The following CDH17 variants were observed in gnomAD, a reference collection of about 807,000 sequenced individuals.
The protein encoded by CDH17 is cadherin-17.
CDH17 carries 67 observed loss-of-function variants against 86.3 expected under a neutral mutation model. The ratio of observed to expected loss-of-function variants is 0.78; its 90% CI spans 0.64 to 0.95. The LOEUF (loss-of-function observed/expected upper bound fraction) is 0.95, where lower values mean the gene tolerates loss of function less well. Ranked by LOEUF, CDH17 falls within the 40% of genes least tolerant of loss-of-function variation. The pLI, the probability that CDH17 is intolerant of heterozygous loss-of-function variation, is 0.00. For synonymous variants in CDH17, 367 were observed against 366.4 expected (o/e 1.00, Z -0.02); for missense variants, 993 against 1,017.6 (o/e 0.98, Z 0.33).
intron 5 of CDH17, among the ~76,000 whole-genome samples, chr8:94,175,856 G>T (rs1159000267): frequency 2.6e-5 from 4 of 152,122 alleles, no homozygotes; most frequent in African/African-American, 9.7e-5. Flanking sequence ...AGAGCTCTGA[G>T]GTATCTTAGA....
At chr8:94,168,181 TCTCA>T (rs1303113909) in intron 9 of CDH17, among the ~76,000 whole-genome samples, 2 of 133,854 alleles carry the variant, frequency 1.5e-5, no homozygotes, top group Non-Finnish European at 3.1e-5. Context: ...TGAGATGGAG[TCTCA>T]CTCTGTTGTC....
At chr8:94,139,761 G>C (rs1032533611) in intron 15 of CDH17, among the ~76,000 whole-genome samples, 4 of 151,984 alleles carry the variant, frequency 2.6e-5, no homozygotes, top group Non-Finnish European at 5.9e-5. Context: ...AAAGTAGCTG[G>C]GCATCATGGT....
chr8:94,169,981 C>T (rs1813235889), intron 9 of CDH17, among the ~76,000 whole-genome samples: 1 of 152,072 alleles, frequency 6.6e-6, no homozygotes, highest in Non-Finnish European at 1.5e-5. Flanking sequence ...GTCTGTCTGA[C>T]TTTGGGTGTA....
chr8:94,156,491 G>A lies in CDH17; in HGVS notation c.1551+3480C>T, dbSNP rs115494942. Among the ~76,000 whole-genome samples the A allele has an allele frequency of 4.7e-3, 719 of 152,282 alleles. 12 individuals are homozygous for A. The highest frequency in any genetic ancestry group is 0.016 in the African/African-American group (677 of 41,560). On this transcript the variant is annotated intron_variant, in intron 12 of 17. Coordinates refer to ENST00000027335, the MANE Select transcript of CDH17 (RefSeq NM_004063.4). ...AATAGCTTTCCTGCTCATGACACAC[G>A]TTTGGCCCCAAGAGCATGATAACCA...
intron 15 of CDH17, among the ~76,000 whole-genome samples, chr8:94,141,097 T>A (rs79790841): frequency 0.025 from 3,854 of 152,112 alleles, 164 homozygotes; most frequent in African/African-American, 0.089. Context: ...CAACAATACA[T>A]AAACATGGTA....
intron 1 of CDH17, among the ~76,000 whole-genome samples, chr8:94,198,044 C>T (rs1001487055): frequency 1.3e-5 from 2 of 151,936 alleles, no homozygotes; most frequent in African/African-American, 4.8e-5. Context: ...AATTTCAACT[C>T]TTGCTACTGT....
chr8:94,204,395 A>C (rs4734271), intron 1 of CDH17, among the ~76,000 whole-genome samples: 1 of 151,840 alleles, frequency 6.6e-6, no homozygotes, highest in Non-Finnish European at 1.5e-5. Context: ...GAACATGCAG[A>C]GTTTGGTTTT....
chr8:94,175,010 G>A (rs1275121468), intron 5 of CDH17, among the ~76,000 whole-genome samples: 1 of 152,156 alleles, frequency 6.6e-6, no homozygotes, highest in African/African-American at 2.4e-5. Context: ...ATGAGACTCA[G>A]TTGTTGAATT....
At chr8:94,215,078 C>T (rs1814173996) in intron 1 of CDH17, among the ~76,000 whole-genome samples, 2 of 152,198 alleles carry the variant, frequency 1.3e-5, no homozygotes, top group African/African-American at 4.8e-5. Flanking sequence ...GGTAAACAGT[C>T]TGGGAGTTTT....
chr8:94,152,152 T>G, intron 12 of CDH17, 40 bp from the exon 13 acceptor site: 3 of 1,605,776 alleles, frequency 1.9e-6, no homozygotes, highest in Non-Finnish European at 2.6e-6. Context: ...TTGGGGTGAT[T>G]AGCTCCCTTA....
Position 94,128,182 on chromosome 8 carries a change from G to T in CDH17, c.*58C>A. On this transcript the variant is annotated 3_prime_UTR_variant, in exon 18 of 18. Coordinates refer to ENST00000027335, the MANE Select transcript of CDH17 (RefSeq NM_004063.4). ...CACGTTAGATGAAAAGTAATAGGATGAGATGGTTGTTGCTGAAATAGCACT... is the reference window on the plus strand; with the variant it reads ...CACGTTAGATGAAAAGTAATAGGATTAGATGGTTGTTGCTGAAATAGCACT... 1 of 1,027,932 alleles carries T rather than the reference G, an allele frequency of 9.7e-7. No individual in the cohort carries two copies. Among genetic ancestry groups the T allele is most frequent in the South Asian group, 1.3e-5 (1 of 77,458 alleles). 63.7% of individuals were successfully genotyped at this position (1,027,932 alleles called of 1,614,324 possible).
upstream of CDH17, among the ~76,000 whole-genome samples, chr8:94,212,134 C>A (rs1470077074): frequency 6.6e-6 from 1 of 152,214 alleles, no homozygotes; most frequent in African/African-American, 2.4e-5. Context: ...TTAAGCAAAA[C>A]AGGTCTTACT....
At chr8:94,192,560 C>T (rs752784556) in intron 2 of CDH17, among the ~76,000 whole-genome samples, 1 of 152,152 alleles carries the variant, frequency 6.6e-6, no homozygotes, top group Non-Finnish European at 1.5e-5. Context: ...CGCCATTGGA[C>T]CACCAAGCCC....
At chr8:94,202,150 G>A (rs1374088997) in intron 1 of CDH17, 1 of 153,728 alleles carries the variant, frequency 6.5e-6, no homozygotes, top group Non-Finnish European at 1.4e-5. Flanking sequence ...AGATGTTTTG[G>A]GTTTCTCACA....
chr8:94,198,637 C>T (rs1563589109), intron 1 of CDH17, among the ~76,000 whole-genome samples: 2 of 152,148 alleles, frequency 1.3e-5, no homozygotes, highest in Non-Finnish European at 2.9e-5. Context: ...CTCTTCCAGC[C>T]TTATCTGCCA....
intron 5 of CDH17, among the ~76,000 whole-genome samples, chr8:94,175,396 G>T (rs1048443333): frequency 1.3e-5 from 2 of 152,008 alleles, no homozygotes; most frequent in Admixed American, 6.6e-5. Context: ...AAACTGAAGT[G>T]AATTTTTTCC....
chr8:94,206,639 ATTTT>A (rs35064887), intron 1 of CDH17, among the ~76,000 whole-genome samples: 267 of 130,380 alleles, frequency 2.0e-3, no homozygotes, highest in Middle Eastern at 7.8e-3. Flanking sequence ...CATCATCCAG[ATTTT>A]TTTTTTTTTT....
intron 1 of CDH17, among the ~76,000 whole-genome samples, chr8:94,198,507 C>T (rs1017398716): frequency 7.2e-5 from 11 of 152,136 alleles, no homozygotes; most frequent in African/African-American, 2.2e-4. Flanking sequence ...AAAATGTACA[C>T]GGTCAGCTAT....
chr8:94,144,676 T>C (rs1419237752), intron 15 of CDH17, among the ~76,000 whole-genome samples: 3 of 152,022 alleles, frequency 2.0e-5, no homozygotes, highest in East Asian at 1.9e-4. Context: ...AAAAAATAGA[T>C]ACCAAAATTT....
Sources: allele counts gnomAD v4.1 joint callset (sites outside exome capture counted in the v4.1 genomes callset), GRCh38; gene constraint gnomAD v4.1.1; transcripts MANE v1.5; gene names NCBI Gene and HGNC (gene_info 2026-07-23, HGNC 2026-07-21).